PCSK6: variants seen among roughly 807,000 people sequenced by gnomAD.
The protein encoded by PCSK6 is paired basic amino acid cleaving enzyme 4.
In PCSK6, 85 loss-of-function variants were observed where a neutral mutation model predicts 123.3. The ratio of observed to expected loss-of-function variants is 0.69; its 90% CI spans 0.58 to 0.83. PCSK6 has a LOEUF of 0.83. Among genes scored for constraint, PCSK6 ranks in the 40% least tolerant of loss-of-function variants. The pLI, the probability that PCSK6 is intolerant of heterozygous loss-of-function variation, is 0.00. For missense variants in PCSK6, 1,191 were observed against 1,282.3 expected, an observed-to-expected ratio of 0.93 and a Z score of 1.09; for synonymous variants, 508 against 516.0, an observed-to-expected ratio of 0.98 and a Z score of 0.21.
At position 101,346,683 on chromosome 15, in the gene PCSK6, G is replaced by A. The variant is rs554413984; in HGVS notation, c.1859-14652C>T. ...CATTCCTAAAACTGAGGGCAAATCT[G>A]GGAAAGGGGTTTCAAGAGAGCTCTC... On this transcript the variant is annotated intron_variant, in intron 13 of 21. Transcript: ENST00000611716. 1.9e-5 allele frequency: 20 copies of A among 1,061,004 alleles called. 1 individual carries two copies. The African/African-American group carries it at 2.3e-4, about 12-fold the overall frequency. 65.7% of individuals were successfully genotyped at this position (1,061,004 alleles called of 1,614,324 possible).
intron 18 of PCSK6, among the ~76,000 whole-genome samples, chr15:101,322,290 C>T (rs1244319984): frequency 6.6e-6 from 1 of 152,194 alleles, no homozygotes; most frequent in Non-Finnish European, 1.5e-5. Flanking sequence ...TGATCAAGTG[C>T]TGCTTTGCCC....
chr15:101,352,164 T>A (rs936298292), intron 13 of PCSK6, among the ~76,000 whole-genome samples: 3 of 142,246 alleles, frequency 2.1e-5, no homozygotes, highest in East Asian at 2.2e-4. Flanking sequence ...TTTTTTTTTT[T>A]ACAGACGGGG....
chr15:101,442,809 C>T (rs2056790629), intron 2 of PCSK6, among the ~76,000 whole-genome samples: 1 of 152,188 alleles, frequency 6.6e-6, no homozygotes, highest in Admixed American at 6.5e-5. Context: ...TTTTCCTTCT[C>T]AGCACTCATC....
chr15:101,378,180 T>G (rs932268763), intron 11 of PCSK6, among the ~76,000 whole-genome samples: 1 of 152,250 alleles, frequency 6.6e-6, no homozygotes, highest in South Asian at 2.1e-4. Context: ...AACTTTATCT[T>G]TCTATTTAAT....
intron 2 of PCSK6, among the ~76,000 whole-genome samples, chr15:101,440,426 A>AC (rs1298347291): frequency 6.6e-6 from 1 of 151,188 alleles, no homozygotes; most frequent in African/African-American, 2.5e-5. Flanking sequence ...TGCTGCTGAC[A>AC]CCCCCTTGAG....
chr15:101,489,525 C>T lies in PCSK6; in HGVS notation c.146G>A (p.Trp49Ter). Residue 49 changes from tryptophan (W) to a stop codon, truncating the protein, a stop_gained, in exon 1 of 22, where the codon TGG becomes TAG. Coordinates refer to ENST00000611716, the MANE Select transcript of PCSK6 (RefSeq NM_002570.5). LOFTEE classifies it high-confidence loss of function. ...PGFRPLAPRP[W>*]RWLLLLALPA... The stretch of plus-strand genomic sequence containing the variant: ...CAGCGCCAGCAGCAGCAGCCAGCGC[C>T]AGGGACGCGGCGCGAGCGGCCGGAA... 1 of 1,024,466 alleles carries T rather than the reference C, an allele frequency of 9.8e-7. No homozygotes were observed. Among genetic ancestry groups the T allele is most frequent in the Non-Finnish European group, 1.2e-6 (1 of 857,628 alleles). The allele number at this position is 1,024,466 out of a possible 1,614,324, so 63.5% of individuals were successfully genotyped here.
intron 7 of PCSK6, among the ~76,000 whole-genome samples, chr15:101,394,072 T>C (rs910057213): frequency 2.0e-5 from 3 of 152,110 alleles, no homozygotes; most frequent in Non-Finnish European, 4.4e-5. Flanking sequence ...ATCAGGGTGG[T>C]CTGATTTATA....
In PCSK6 at chr15:101,384,386, C is replaced by T. The variant is rs753914216; in HGVS notation, c.1350G>A (p.Val450=). 1 of 1,613,870 alleles carries T rather than the reference C, an allele frequency of 6.2e-7. No homozygotes were observed. The highest frequency in any genetic ancestry group is 8.5e-7 in the Non-Finnish European group (1 of 1,179,826). The change falls in exon 10 of 22, where the codon GTG becomes GTA. Residue 450 remains valine (V), a synonymous_variant. Coordinates refer to ENST00000611716, the MANE Select transcript of PCSK6 (RefSeq NM_002570.5). ...TCAGGTGGGCCGGCCGGGATGTCTT[C>T]ACTAGCAGGTGCTGGACGTCCCTCC... ...LTWRDVQHLL[V]KTSRPAHLKA... is the part of the protein sequence containing the mutation.
chr15:101,344,608 T>C (rs1320002610), intron 13 of PCSK6, among the ~76,000 whole-genome samples: 4 of 152,164 alleles, frequency 2.6e-5, no homozygotes, highest in African/African-American at 9.7e-5. Flanking sequence ...GGAGAATGGA[T>C]CTGGTGGGTA....
chr15:101,446,248 C>T (rs1449893077), intron 1 of PCSK6, among the ~76,000 whole-genome samples: 3 of 152,278 alleles, frequency 2.0e-5, no homozygotes, highest in Admixed American at 2.0e-4. Context: ...TGGAATCACA[C>T]ATTCGTCCTC....
intron 1 of PCSK6, among the ~76,000 whole-genome samples, chr15:101,450,899 C>T (rs2057016950): frequency 6.6e-6 from 1 of 152,058 alleles, no homozygotes; most frequent in Non-Finnish European, 1.5e-5. Context: ...GCAGGCAAGG[C>T]CTGGCCGGGC....
chr15:101,374,656 A>C (rs895338464), intron 11 of PCSK6, among the ~76,000 whole-genome samples: 1 of 152,344 alleles, frequency 6.6e-6, no homozygotes, highest in Admixed American at 6.5e-5. Flanking sequence ...ACTGAGGCCC[A>C]TTACAGCAGA....
intron 1 of PCSK6, among the ~76,000 whole-genome samples, chr15:101,463,598 G>A (rs2057387422): frequency 6.6e-6 from 1 of 152,174 alleles, no homozygotes; most frequent in South Asian, 2.1e-4. Context: ...AAATCCTCAC[G>A]AAGGGAATCT....
intron 1 of PCSK6, among the ~76,000 whole-genome samples, chr15:101,463,277 T>C (rs1466206596): frequency 6.6e-6 from 1 of 152,180 alleles, no homozygotes; most frequent in Non-Finnish European, 1.5e-5. Context: ...TTGGCTTGTT[T>C]TCTCCTCTGC....
At chr15:101,458,726 AACC>A (rs911394355) in intron 1 of PCSK6, among the ~76,000 whole-genome samples, 1 of 152,122 alleles carries the variant, frequency 6.6e-6, no homozygotes, top group Non-Finnish European at 1.5e-5. Context: ...CCCCAGCGGC[AACC>A]ACAGACACAA....
At chr15:101,323,625 C>T (rs1021511119) in intron 17 of PCSK6, among the ~76,000 whole-genome samples, 3 of 150,304 alleles carry the variant, frequency 2.0e-5, no homozygotes, top group African/African-American at 4.9e-5. Flanking sequence ...CCCAGCTACT[C>T]GGGAGGCTGT....
chr15:101,309,497 T>C (rs2039803666), intron 20 of PCSK6, among the ~76,000 whole-genome samples: 1 of 152,224 alleles, frequency 6.6e-6, no homozygotes, highest in African/African-American at 2.4e-5. Flanking sequence ...CCCTGCCACA[T>C]TCTGGAAGGA....
intron 1 of PCSK6, among the ~76,000 whole-genome samples, chr15:101,457,846 G>T (rs1454850888): frequency 6.6e-6 from 1 of 152,196 alleles, no homozygotes; most frequent in Non-Finnish European, 1.5e-5. Context: ...AAATGAGCCT[G>T]CGCTATCTGT....
At chr15:101,454,800 C>T (rs899123099) in intron 1 of PCSK6, among the ~76,000 whole-genome samples, 17 of 152,062 alleles carry the variant, frequency 1.1e-4, no homozygotes, top group African/African-American at 4.1e-4. Flanking sequence ...CAAAAATTAG[C>T]CGGGTATGGT....
Sources: gnomAD v4.1 joint callset for allele counts (sites outside exome capture counted in the v4.1 genomes callset) on GRCh38, gnomAD v4.1.1 for gene constraint, MANE v1.5 for transcripts, NCBI Gene and HGNC (gene_info 2026-07-23, HGNC 2026-07-21) for gene names.